The following TNXB variants were observed in gnomAD, a reference collection of about 807,000 sequenced individuals.
The protein encoded by TNXB is tenascin-X.
A neutral mutation model predicts 340.5 loss-of-function variants in TNXB; 183 were observed. The observed-to-expected ratio is 0.54, with a 90% CI of 0.48 to 0.61. The LOEUF is 0.61. Among genes scored for constraint, TNXB ranks in the 20% least tolerant of loss-of-function variants. The pLI is 0.00. For missense variants in TNXB, 4,613 were observed against 5,446.4 expected, an observed-to-expected ratio of 0.85 and a Z score of 4.82; for synonymous variants, 2,121 against 2,314.5, an observed-to-expected ratio of 0.92 and a Z score of 2.40.
intron 18 of TNXB, among the ~76,000 whole-genome samples, chr6:32,066,805 G>A (rs1042236414): frequency 9.9e-5 from 15 of 152,262 alleles, no homozygotes; most frequent in African/African-American, 2.2e-4. Context: ...CGGGTGTGGC[G>A]GCTCACGCCT....
chr6:32,076,829 A>T (rs1192965100), intron 11 of TNXB, among the ~76,000 whole-genome samples: 2 of 152,040 alleles, frequency 1.3e-5, no homozygotes, highest in Non-Finnish European at 2.9e-5. Flanking sequence ...TAAAAATACA[A>T]AAATTAGCCG....
chr6:32,104,390 C>T (rs1380717020), intron 1 of TNXB, among the ~76,000 whole-genome samples: 1 of 152,204 alleles, frequency 6.6e-6, no homozygotes, highest in Non-Finnish European at 1.5e-5. Flanking sequence ...CCTGAACTCA[C>T]GGTCACCTTC....
Position 32,068,967 on chromosome 6 carries a change from G to A in TNXB, c.5757C>T (p.Asp1919=), listed in dbSNP as rs371329474. Residue 1919 remains aspartate, a synonymous_variant, in exon 16 of 44, where the codon GAC becomes GAT. Transcript: ENST00000644971. This position sits in a 1 kb window ranked among gnomAD's most constrained non-coding sequence, Gnocchi z 5.3. ...DSFEIQYTDR[D]GQLQMVRIGG... is the part of the protein sequence containing the mutation. ...CTATGCGGACCATTTGGAGTTGCCC[G>A]TCTCTATCTGTGTACTGGATTTCGA... 54 of 1,612,892 alleles carry A rather than the reference G, an allele frequency of 3.3e-5. No individual in the cohort carries two copies. The East Asian group carries it at 6.2e-4, about 19-fold the overall frequency.
chr6:32,053,102 C>T, intron 25 of TNXB, 109 bp from the exon 26 acceptor site: 1 of 1,248,796 alleles, frequency 8.0e-7, no homozygotes, highest in East Asian at 2.4e-5. Context: ...CTGGGGTCAG[C>T]TTGGAGAGGC....
In TNXB at chr6:32,085,937, G is replaced by T; in HGVS notation, c.2961C>A (p.Thr987=). 6.2e-7 allele frequency: 1 copy of T among 1,608,468 alleles called. No individual in the cohort carries two copies. Among genetic ancestry groups the T allele is most frequent in the Non-Finnish European group, 8.5e-7 (1 of 1,178,816 alleles). The change falls in exon 7 of 44, where the codon ACC becomes ACA. Residue 987 remains threonine (T), a synonymous_variant. Coordinates refer to ENST00000644971, the MANE Select transcript of TNXB (RefSeq NM_001365276.2). The surrounding 1 kb of genome is among the most constrained non-coding windows in gnomAD (Gnocchi z 6.4). ...GCATGCGCAGTTGGAAGTAGGCAAA[G>T]GTGTCAGGCTGGGCGGTCCAGACCA... ...LRVVWTAQPD[T]FAYFQLRMRV...
intron 4 of TNXB, 48 bp downstream of exon 4, chr6:32,095,028 C>T (rs765897918): frequency 1.4e-6 from 2 of 1,475,326 alleles, no homozygotes; most frequent in South Asian, 2.5e-5. Context: ...GCCCTGCCCC[C>T]CTGTCCTGCC....
rs1407616812 is a variant in TNXB, at chr6:32,099,227, CTCT to C, written c.-8-1024_-8-1022del. On this transcript the variant is annotated intron_variant, in intron 1 of 43. Coordinates refer to ENST00000644971, the MANE Select transcript of TNXB (RefSeq NM_001365276.2). ...AAAGTGCAGATTATCTTCTCCCTCTCTCTCTCACTTTTTTTTTTTTTTTTGAGA... is the reference window on the plus strand; with the variant it reads ...AAAGTGCAGATTATCTTCTCCCTCTCCTCACTTTTTTTTTTTTTTTTGAGA... Among the ~76,000 whole-genome samples the C allele has an allele frequency of 2.0e-4, 23 of 116,136 alleles. No individual in the cohort carries two copies. The South Asian group carries it at 4.9e-3, about 25-fold the overall frequency. The allele number at this position is 116,136 out of a possible 152,430, so 76.2% of individuals were successfully genotyped here.
rs1001628633 is a variant in TNXB, at chr6:32,073,998, T to C, written c.4376-46A>G. 4.2e-6 allele frequency: 6 copies of C among 1,437,702 alleles called. No homozygotes were observed. The highest frequency in any genetic ancestry group is 2.9e-5 in the African/African-American group (2 of 69,794). The allele number at this position is 1,437,702 out of a possible 1,614,324, so 89.1% of individuals were successfully genotyped here. Reference sequence around the variant, plus strand: ...GGCTGTTAGTAAAGAATCCCCCTTTTCTTATAGTAATGATGTCTAGTTATT... The same window carrying C: ...GGCTGTTAGTAAAGAATCCCCCTTTCCTTATAGTAATGATGTCTAGTTATT... On this transcript the variant is annotated intron_variant, in intron 11 of 43. Transcript: ENST00000644971. The surrounding 1 kb of genome is among the most constrained non-coding windows in gnomAD (Gnocchi z 4.6).
chr6:32,053,415 C>T lies in TNXB; in HGVS notation c.8764G>A (p.Gly2922Ser), dbSNP rs748922619. The change falls in exon 25 of 44, where the codon GGC becomes AGC. Residue 2922 changes from glycine (G) to serine (S), a missense_variant. Physicochemically the swap from Gly to Ser is moderately conservative, Grantham distance 56 (BLOSUM62 0). This residue lies in a region of TNXB where 4,327 missense variants were observed against 4,859.4 expected (regional missense o/e 0.89). Transcript: ENST00000644971. ...GTCACCCCAATGACAGAGATGGGGCCCACGCGCTGGCCACCGTGGAAGCCG... is the reference window on the plus strand; with the variant it reads ...GTCACCCCAATGACAGAGATGGGGCTCACGCGCTGGCCACCGTGGAAGCCG... ...LYGFHGGQRV[G>S]PISVIGVTAA... 20 of 1,612,858 alleles carry T rather than the reference C, an allele frequency of 1.2e-5. No individual in the cohort carries two copies. The highest frequency in any genetic ancestry group is 4.5e-5 in the East Asian group (2 of 44,876).
Position 32,068,621 on chromosome 6 carries a change from C to T in TNXB, c.5989G>A (p.Asp1997Asn). 6.2e-7 allele frequency: 1 copy of T among 1,613,958 alleles called. No homozygotes were observed. The highest frequency in any genetic ancestry group is 8.5e-7 in the Non-Finnish European group (1 of 1,179,892). The change falls in exon 17 of 44, where the codon GAT (aspartate) becomes AAT (asparagine). Residue 1997 changes from aspartate to asparagine, a missense_variant. Transcript: ENST00000644971. The surrounding 1 kb of genome is among the most constrained non-coding windows in gnomAD (Gnocchi z 5.3). ...AGGCTGAGGGAGTCAGGGGTGGCAT[C>T]TGTCACGGTCAGCTCCCCCAGGCGA... ...KPRLGELTVT[D>N]ATPDSLSLSW... is the part of the protein sequence containing the mutation.
At position 32,095,147 on chromosome 6, in the gene TNXB, T is replaced by C; in HGVS notation, c.2287A>G (p.Thr763Ala). 1 of 1,550,062 alleles carries C rather than the reference T, an allele frequency of 6.5e-7. No individual in the cohort carries two copies. Among genetic ancestry groups the C allele is most frequent in the Non-Finnish European group, 8.7e-7 (1 of 1,146,364 alleles). ...GGGGTCCACTCTGTCCGAACTGTTG[T>C]CTCCTCCAAGAGATGCATCCTCATG... ...EGMRMHLLEE[T>A]TVRTEWTPAP... Residue 763 changes from threonine (T) to alanine (A), a missense_variant, in exon 4 of 44, where the codon ACA becomes GCA. By Grantham distance (58) the Thr-to-Ala change is moderately conservative. This residue lies in a region of TNXB where 4,327 missense variants were observed against 4,859.4 expected (regional missense o/e 0.89). Coordinates refer to ENST00000644971, the MANE Select transcript of TNXB (RefSeq NM_001365276.2).
chr6:32,074,186 TTGTG>T lies in TNXB; in HGVS notation c.4376-238_4376-235del, dbSNP rs1285495148. On this transcript the variant is annotated intron_variant, in intron 11 of 43. Transcript: ENST00000644971. The surrounding 1 kb of genome is among the most constrained non-coding windows in gnomAD (Gnocchi z 5.5). ...CGTGCGCCACCATGCCTGCCTAATT[TTGTG>T]TGTGTGTGTATTTTTAGTGGAGACG... Among the ~76,000 whole-genome samples the T allele has an allele frequency of 6.6e-6, 1 of 151,756 alleles. No individual in the cohort carries two copies. The highest frequency in any genetic ancestry group is 1.5e-5 in the Non-Finnish European group (1 of 67,890).
chr6:32,093,324 T>C (rs1490481300), intron 4 of TNXB: 6 of 689,112 alleles, frequency 8.7e-6, no homozygotes, highest in South Asian at 4.5e-5. Flanking sequence ...AAAGTATTTT[T>C]ATAACAACAA....
chr6:32,073,809 G>A lies in TNXB; in HGVS notation c.4519C>T (p.Gln1507Ter), dbSNP rs1218309816. 5 of 1,612,708 alleles carry A rather than the reference G, an allele frequency of 3.1e-6. No individual in the cohort carries two copies. Among genetic ancestry groups the A allele is most frequent in the Non-Finnish European group, 4.2e-6 (5 of 1,179,468 alleles). ...GGCTGCCCGTCCTTGTCCTTGTACT[G>A]GACTATGAAGGAGTCAAACTGGCCC... ...PEGQFDSFIV[Q>*]YKDKDGQPQV... Residue 1507 changes from glutamine (Q) to a stop codon, truncating the protein, a stop_gained, in exon 12 of 44, where the codon CAG (glutamine) becomes TAG (stop). Coordinates refer to ENST00000644971, the MANE Select transcript of TNXB (RefSeq NM_001365276.2). LOFTEE classifies it high-confidence loss of function. This position sits in a 1 kb window ranked among gnomAD's most constrained non-coding sequence, Gnocchi z 4.6.
intron 18 of TNXB, among the ~76,000 whole-genome samples, chr6:32,066,571 A>G (rs1778351750): frequency 6.6e-6 from 1 of 152,250 alleles, no homozygotes; most frequent in South Asian, 2.1e-4. Context: ...AGCAATCTAC[A>G]GAGAAAAAAG....
chr6:32,069,709 T>C lies in TNXB; in HGVS notation c.5431A>G (p.Lys1811Glu). The change falls in exon 15 of 44, where the codon AAA (lysine) becomes GAA (glutamate). Residue 1811 changes from lysine (K) to glutamate (E), a missense_variant. Physicochemically the swap from Lys to Glu is moderately conservative, Grantham distance 56. This residue lies in a region of TNXB where 4,327 missense variants were observed against 4,859.4 expected (regional missense o/e 0.89). Coordinates refer to ENST00000644971, the MANE Select transcript of TNXB (RefSeq NM_001365276.2). The surrounding 1 kb of genome is among the most constrained non-coding windows in gnomAD (Gnocchi z 6.2). Reference sequence around the variant, plus strand: ...ACCTGGGGCTGCCCGTCCCTGTCTTTGTACTGGACCACAAAGGAGTCAAAC... The same window carrying C: ...ACCTGGGGCTGCCCGTCCCTGTCTTCGTACTGGACCACAAAGGAGTCAAAC... ...GQFDSFVVQYKDRDGQPQVVP... is the reference protein window; with the variant it reads ...GQFDSFVVQYEDRDGQPQVVP... The C allele has an allele frequency of 3.1e-6, 5 of 1,612,924 alleles. No homozygotes were observed. Among genetic ancestry groups the C allele is most frequent in the Non-Finnish European group, 4.2e-6 (5 of 1,179,594 alleles).
Position 32,049,891 on chromosome 6 carries a change from T to C in TNXB, c.9439+107A>G. 6.5e-7 allele frequency: 1 copy of C among 1,539,126 alleles called. No homozygotes were observed. The highest frequency in any genetic ancestry group is 1.2e-5 in the South Asian group (1 of 82,944). ...AGTCCCAGCCCCAGCCACAAGCAGT[T>C]CTGTGGTGCTGACCAGACCCCTGTC... On this transcript the variant is annotated intron_variant, in intron 27 of 43. Coordinates refer to ENST00000644971, the MANE Select transcript of TNXB (RefSeq NM_001365276.2). The surrounding 1 kb of genome is among the most constrained non-coding windows in gnomAD (Gnocchi z 4.5).
chr6:32,053,628 T>C lies in TNXB; in HGVS notation c.8551A>G (p.Thr2851Ala). 1 of 1,613,498 alleles carries C rather than the reference T, an allele frequency of 6.2e-7. No homozygotes were observed. The highest frequency in any genetic ancestry group is 8.5e-7 in the Non-Finnish European group (1 of 1,179,824). Residue 2851 changes from threonine (T) to alanine (A), a missense_variant, in exon 25 of 44, where the codon ACC becomes GCC. Thr to Ala is a moderately conservative substitution (Grantham distance 58). Transcript: ENST00000644971. ...PPNKPRLGEL[T>A]VTDATPDSLS... ...GAGTCAGGGGTGGCATCTGTCACGG[T>C]CAGCTCCCCGAGGCGAGGCTTGTTG...
rs878872654 is a variant in TNXB, at chr6:32,069,782, G to A, written c.5358C>T (p.Thr1786=). The A allele has an allele frequency of 1.6e-5, 25 of 1,610,910 alleles. No homozygotes were observed. Among genetic ancestry groups the A allele is most frequent in the African/African-American group, 6.7e-5 (5 of 74,864 alleles). The stretch of plus-strand genomic sequence containing the variant: ...AGAGGCCCACGGAGTTCTGGGTCAC[G>A]GTGGTCACCTGCAGCTCCTCCCCCA... ...PRLGEELQVT[T]VTQNSVGLSW... Residue 1786 remains threonine, a synonymous_variant, in exon 15 of 44, where the codon ACC becomes ACT. Transcript: ENST00000644971. This position sits in a 1 kb window ranked among gnomAD's most constrained non-coding sequence, Gnocchi z 6.2.
Sources: gnomAD v4.1 joint callset for allele counts (sites outside exome capture counted in the v4.1 genomes callset) on GRCh38, gnomAD v4.1.1 for gene constraint, gnomAD v4.1.1 regional missense constraint, Gnocchi (gnomAD v3.1) non-coding constraint, MANE v1.5 for transcripts, NCBI Gene and HGNC (gene_info 2026-07-23, HGNC 2026-07-21) for gene names.